TTC28: variants seen among roughly 807,000 people sequenced by gnomAD.
TTC28 encodes the protein tetratricopeptide repeat domain 28.
TTC28 carries 61 observed loss-of-function variants against 198.0 expected under a neutral mutation model. That is an observed-to-expected ratio of 0.31 (90% CI 0.25 to 0.38). TTC28 has a LOEUF of 0.38. TTC28 is among the 10% of genes least tolerant of loss of function. The pLI is 1.00. For missense variants in TTC28, 2,678 were observed against 3,164.0 expected (o/e 0.85, Z 3.69); for synonymous variants, 1,171 against 1,297.8 (o/e 0.90, Z 2.10).
intron 10 of TTC28, among the ~76,000 whole-genome samples, chr22:28,096,764 G>A (rs1941988952): frequency 6.7e-6 from 1 of 149,922 alleles, no homozygotes; most frequent in African/African-American, 2.5e-5. Flanking sequence ...CTCCTGCCTG[G>A]CTTCTGACAC....
chr22:28,657,002 T>G (rs1465985546), intron 1 of TTC28, among the ~76,000 whole-genome samples: 3 of 152,204 alleles, frequency 2.0e-5, no homozygotes, highest in Non-Finnish European at 2.9e-5. Flanking sequence ...GCCTGATACT[T>G]TATTATGCTA....
At chr22:28,081,140 T>C (rs1941340951) in intron 12 of TTC28, among the ~76,000 whole-genome samples, 1 of 127,564 alleles carries the variant, frequency 7.8e-6, no homozygotes, top group African/African-American at 3.0e-5. Context: ...ATATACATAA[T>C]ATGGACATAC....
intron 2 of TTC28, among the ~76,000 whole-genome samples, chr22:28,400,278 T>A (rs1443065243): frequency 6.6e-6 from 1 of 152,242 alleles, no homozygotes; most frequent in Non-Finnish European, 1.5e-5. Flanking sequence ...CCGTGCCAGG[T>A]ATGATCTGTC....
intron 5 of TTC28, among the ~76,000 whole-genome samples, chr22:28,219,036 T>C (rs1927633810): frequency 1.3e-5 from 2 of 151,962 alleles, no homozygotes; most frequent in Admixed American, 1.3e-4. Flanking sequence ...TGAAAGGATC[T>C]CAGGAACCCC....
At chr22:28,610,532 T>C (rs567204399) in intron 2 of TTC28, among the ~76,000 whole-genome samples, 1 of 152,166 alleles carries the variant, frequency 6.6e-6, no homozygotes, top group Admixed American at 6.5e-5. Flanking sequence ...CAGAGAGGAA[T>C]AGCATCAACA....
chr22:27,981,848 T>C lies in TTC28; in HGVS notation c.*373A>G, dbSNP rs1937032685. On this transcript the variant is annotated 3_prime_UTR_variant, in exon 23 of 23. Transcript: ENST00000397906. Reference sequence around the variant, plus strand: ...TAAAAGGTACTGCATATATACCTCTTAGCAAAATATGTGCTCCCTTTCCTC... The same window carrying C: ...TAAAAGGTACTGCATATATACCTCTCAGCAAAATATGTGCTCCCTTTCCTC... 1 of 196,928 alleles carries C rather than the reference T, an allele frequency of 5.1e-6. No homozygotes were observed. Among genetic ancestry groups the C allele is most frequent in the Non-Finnish European group, 1.0e-5 (1 of 98,180 alleles). The allele number at this position is 196,928 out of a possible 1,614,324, so 12.2% of individuals were successfully genotyped here. A position where few individuals can be genotyped will look rare whatever the true frequency, so the allele number is the denominator to read the frequency against.
At chr22:28,059,328 C>CT (rs145624059) in intron 12 of TTC28, among the ~76,000 whole-genome samples, 1,572 of 151,974 alleles carry the variant, frequency 0.01, 30 homozygotes, top group African/African-American at 0.035. Context: ...TTAAATTTCT[C>CT]TTGTTTTCTT....
chr22:28,336,187 G>A (rs1335526398), intron 2 of TTC28, among the ~76,000 whole-genome samples: 1 of 152,200 alleles, frequency 6.6e-6, no homozygotes, highest in Non-Finnish European at 1.5e-5. Context: ...CAGGGATGAA[G>A]CCTGCTTGAT....
chr22:28,113,438 C>A (rs1201786011), intron 6 of TTC28, among the ~76,000 whole-genome samples: 2 of 152,196 alleles, frequency 1.3e-5, no homozygotes, highest in African/African-American at 4.8e-5. Context: ...GGTTCACTTT[C>A]TAAATGATGT....
intron 2 of TTC28, among the ~76,000 whole-genome samples, chr22:28,610,466 C>T (rs1601619899): frequency 6.6e-6 from 1 of 152,130 alleles, no homozygotes; most frequent in African/African-American, 2.4e-5. Context: ...AGTGGACCTC[C>T]AGCAAACTCC....
intron 2 of TTC28, among the ~76,000 whole-genome samples, chr22:28,587,880 G>A (rs540715168): frequency 1.3e-5 from 2 of 152,032 alleles, no homozygotes; most frequent in Admixed American, 6.6e-5. Context: ...AGTGGCTCAA[G>A]CCTGTAATCC....
rs748991881 is a variant in TTC28 at position 28,096,400 on chromosome 22, C to A, written c.3556G>T (p.Asp1186Tyr). ...QRVLVSLGHH[D>Y]EALAVAERGR... ...CTTTCTGCCACAGCCAGGGCTTCAT[C>A]ATGATGGCCTAGGAGACAAAGAGAT... Residue 1186 changes from aspartate (D) to tyrosine (Y), a missense_variant, in exon 11 of 23, where the codon GAT (aspartate) becomes TAT (tyrosine). Around this residue, in one of 8 missense-constraint regions of TTC28, gnomAD observed 727 missense variants for 861.9 expected, o/e 0.84. Coordinates refer to ENST00000397906, the MANE Select transcript of TTC28 (RefSeq NM_001145418.2). The A allele has an allele frequency of 1.3e-6, 2 of 1,551,230 alleles. No individual in the cohort carries two copies. The highest frequency in any genetic ancestry group is 1.7e-6 in the Non-Finnish European group (2 of 1,147,022).
At chr22:28,618,006 C>T (rs1017799331) in intron 2 of TTC28, among the ~76,000 whole-genome samples, 4 of 152,216 alleles carry the variant, frequency 2.6e-5, no homozygotes, top group Non-Finnish European at 5.9e-5. Flanking sequence ...GGCATGGTGG[C>T]TCACGCCTGC....
chr22:28,351,951 T>C (rs966159108), intron 2 of TTC28, among the ~76,000 whole-genome samples: 1 of 152,308 alleles, frequency 6.6e-6, no homozygotes, highest in African/African-American at 2.4e-5. Context: ...ACCTCCCTCT[T>C]TGGATCACTG....
chr22:28,548,771 T>C (rs1321684084), intron 2 of TTC28, among the ~76,000 whole-genome samples: 1 of 152,146 alleles, frequency 6.6e-6, no homozygotes, highest in Non-Finnish European at 1.5e-5. Flanking sequence ...AGAAGGCCAT[T>C]TTTCTCATCG....
chr22:28,238,990 A>G (rs1929462204), intron 5 of TTC28, among the ~76,000 whole-genome samples: 1 of 152,126 alleles, frequency 6.6e-6, no homozygotes, highest in Non-Finnish European at 1.5e-5. Context: ...TTACGACATG[A>G]CCTGCAAAGT....
chr22:28,260,503 C>T (rs545320633), intron 5 of TTC28, among the ~76,000 whole-genome samples: 38 of 152,222 alleles, frequency 2.5e-4, no homozygotes, highest in South Asian at 1.9e-3. Flanking sequence ...TATTATAGTA[C>T]TAAGTCTTCA....
chr22:28,078,936 G>A (rs972265948), intron 12 of TTC28, among the ~76,000 whole-genome samples: 1 of 152,168 alleles, frequency 6.6e-6, no homozygotes, highest in Admixed American at 6.5e-5. Flanking sequence ...TCTAAGGTGG[G>A]AAAGCCCTTG....
chr22:27,987,158 C>G (rs191820737), intron 21 of TTC28, among the ~76,000 whole-genome samples: 7 of 152,352 alleles, frequency 4.6e-5, no homozygotes, highest in African/African-American at 1.7e-4. Context: ...GTCAAAAGGC[C>G]ATAAAGCTTG....
Sources: allele counts gnomAD v4.1 joint callset (sites outside exome capture counted in the v4.1 genomes callset), GRCh38; gene constraint gnomAD v4.1.1; regional missense constraint gnomAD v4.1.1; transcripts MANE v1.5; gene names NCBI Gene and HGNC (gene_info 2026-07-23, HGNC 2026-07-21).